Variants in PACS1 observed in about 807,000 individuals in gnomAD.
PACS1 encodes PACS-1.
In PACS1, 24 loss-of-function variants were observed where a neutral mutation model predicts 115.0. The ratio of observed to expected loss-of-function variants is 0.21; its 90% confidence interval spans 0.15 to 0.29. The LOEUF is 0.29. PACS1 is among the 10% of genes least tolerant of loss of function. The pLI is 1.00. For synonymous variants in PACS1, 453 were observed against 504.5 expected (o/e 0.90, Z 1.37); for missense variants, 838 against 1,251.2 (o/e 0.67, Z 4.98).
intron 1 of PACS1, among the ~76,000 whole-genome samples, chr11:66,087,447 T>A (rs891998997): frequency 1.3e-5 from 2 of 152,186 alleles, no homozygotes; most frequent in Non-Finnish European, 2.9e-5. Flanking sequence ...TTCACCATGT[T>A]GGCCAGGCTG....
At chr11:66,218,228 A>G (rs553505489) in intron 7 of PACS1, 1 of 152,194 alleles carries the variant, frequency 6.6e-6, no homozygotes, top group African/African-American at 2.4e-5. Context: ...CAGCCTCGCA[A>G]GTTCATTGTT....
chr11:66,195,512 G>C (rs1360378064), intron 2 of PACS1, among the ~76,000 whole-genome samples: 2 of 152,150 alleles, frequency 1.3e-5, no homozygotes, highest in South Asian at 4.1e-4. Context: ...GGGTGGTTTT[G>C]AAAGTTCCCC....
intron 4 of PACS1, among the ~76,000 whole-genome samples, chr11:66,213,521 C>A (rs1378663614): frequency 1.3e-5 from 2 of 152,192 alleles, no homozygotes; most frequent in Admixed American, 6.5e-5. Context: ...TGCCCATGTC[C>A]CCAACTGGGT....
chr11:66,210,839 C>T (rs1490715314), intron 3 of PACS1, among the ~76,000 whole-genome samples: 1 of 152,198 alleles, frequency 6.6e-6, no homozygotes, highest in Non-Finnish European at 1.5e-5. Context: ...TCCCTCTCAT[C>T]GTAATTCCAG....
At chr11:66,202,726 G>GGGGAAAAAAAA (rs1554988658) in intron 2 of PACS1, among the ~76,000 whole-genome samples, 7 of 10,958 alleles carry the variant, frequency 6.4e-4, no homozygotes, top group African/African-American at 1.7e-3. Flanking sequence ...TCATCTCTAG[G>GGGGAAAAAAAA]AAAAAAAAAA....
At chr11:66,199,992 C>T (rs1854742146) in intron 2 of PACS1, among the ~76,000 whole-genome samples, 1 of 150,124 alleles carries the variant, frequency 6.7e-6, no homozygotes, top group Non-Finnish European at 1.5e-5. Context: ...GCACTCCAAC[C>T]CAGGCAACTG....
At chr11:66,101,203 A>G (rs1857910187) in intron 1 of PACS1, among the ~76,000 whole-genome samples, 1 of 152,192 alleles carries the variant, frequency 6.6e-6, no homozygotes, top group African/African-American at 2.4e-5. Context: ...TAAAAGTTTT[A>G]AACACTTACA....
chr11:66,089,911 C>T (rs1004689687), intron 1 of PACS1, among the ~76,000 whole-genome samples: 1 of 143,202 alleles, frequency 7.0e-6, no homozygotes, highest in African/African-American at 2.6e-5. Flanking sequence ...GAGGCTGAGG[C>T]AGGAGAATGG....
intron 1 of PACS1, among the ~76,000 whole-genome samples, chr11:66,148,369 A>G (rs1053713193): frequency 2.6e-5 from 4 of 151,934 alleles, no homozygotes; most frequent in Non-Finnish European, 4.4e-5. Flanking sequence ...CTGTACTCAC[A>G]CTCCAGGCCT....
At chr11:66,163,634 G>A (rs1011247711) in intron 1 of PACS1, among the ~76,000 whole-genome samples, 5 of 152,146 alleles carry the variant, frequency 3.3e-5, no homozygotes, top group African/African-American at 4.8e-5. Flanking sequence ...ATGATGTGAC[G>A]TGTATTGTTA....
chr11:66,079,823 C>T (rs2134499109), intron 1 of PACS1, among the ~76,000 whole-genome samples: 2 of 152,298 alleles, frequency 1.3e-5, no homozygotes, highest in Middle Eastern at 6.8e-3. Context: ...AACGATGCAG[C>T]CCCTTCCCAT....
In PACS1 at chr11:66,155,034, G is replaced by A. The variant is rs374545690; in HGVS notation, c.357-38452G>A. On this transcript the variant is annotated intron_variant, in intron 1 of 23. Coordinates refer to ENST00000320580, the MANE Select transcript of PACS1 (RefSeq NM_018026.4). ...AAAGGTCCTGAGGCAATTCAATGGG[G>A]AAAGGAACATCTTTTCAACACATGG... Among the ~76,000 whole-genome samples the A allele has an allele frequency of 1.3e-3, 203 of 152,308 alleles. 2 individuals carry two copies. The Middle Eastern group carries it at 0.017, about 13-fold the overall frequency.
intron 1 of PACS1, among the ~76,000 whole-genome samples, chr11:66,123,756 C>T (rs554263011): frequency 2.7e-5 from 4 of 149,472 alleles, no homozygotes; most frequent in Non-Finnish European, 4.4e-5. Context: ...CTCCTGACCT[C>T]GTGATCCACC....
Position 66,138,183 on chromosome 11 carries a change from A to G in PACS1, c.357-55303A>G, listed in dbSNP as rs532023057. 2.6e-5 allele frequency among the ~76,000 whole-genome samples: 4 copies of G among 151,974 alleles called. No homozygotes were observed. The South Asian group carries it at 8.3e-4, about 32-fold the overall frequency. ...CATGGCTCACTGCAGCCTCAAACTC[A>G]TGGACTGAAGTGATGCTCCTGCCTC... is the stretch of plus-strand genomic sequence containing the variant. On this transcript the variant is annotated intron_variant, in intron 1 of 23. Transcript: ENST00000320580.
chr11:66,166,840 A>T (rs1472975940), intron 1 of PACS1, among the ~76,000 whole-genome samples: 4 of 150,398 alleles, frequency 2.7e-5, no homozygotes, highest in Non-Finnish European at 4.4e-5. Context: ...GGGCACTAAG[A>T]GCAACCCTAT....
chr11:66,075,939 A>T (rs188560591), intron 1 of PACS1, among the ~76,000 whole-genome samples: 1 of 152,080 alleles, frequency 6.6e-6, no homozygotes, highest in Admixed American at 6.5e-5. Flanking sequence ...GGGTTTTACC[A>T]TGTTAGCCAG....
At chr11:66,084,513 C>G (rs1218961946) in intron 1 of PACS1, among the ~76,000 whole-genome samples, 1 of 151,474 alleles carries the variant, frequency 6.6e-6, no homozygotes, top group East Asian at 1.9e-4. Context: ...TGTGTGGAAG[C>G]AGGGAGTCCG....
In PACS1 at chr11:66,178,626, AAAT is replaced by A. The variant is rs1218912594; in HGVS notation, c.357-14854_357-14852del. 2.6e-5 allele frequency among the ~76,000 whole-genome samples: 4 copies of A among 152,268 alleles called. No individual in the cohort carries two copies. The East Asian group carries it at 5.8e-4, about 22-fold the overall frequency. ...GTAACTCATTTAGAATAACAATTTA[AAAT>A]AATAAAATTAAAATAAAAATGGATG... On this transcript the variant is annotated intron_variant, in intron 1 of 23. Coordinates refer to ENST00000320580, the MANE Select transcript of PACS1 (RefSeq NM_018026.4).
intron 2 of PACS1, among the ~76,000 whole-genome samples, chr11:66,200,989 G>A (rs1419797670): frequency 1.3e-5 from 2 of 152,058 alleles, no homozygotes; most frequent in African/African-American, 4.8e-5. Flanking sequence ...GGGAGGCCAA[G>A]GTGGGTGGAT....
Sources: allele counts gnomAD v4.1 joint callset (sites outside exome capture counted in the v4.1 genomes callset), GRCh38; gene constraint gnomAD v4.1.1; transcripts MANE v1.5; gene names NCBI Gene and HGNC (gene_info 2026-07-23, HGNC 2026-07-21).